The following PRKX variants were observed in gnomAD, a reference collection of about 807,000 sequenced individuals.
The protein encoded by PRKX is protein kinase cAMP-dependent X-linked catalytic subunit.
Under a neutral mutation model 22.0 loss-of-function variants are expected in PRKX, and 12 were observed. The ratio of observed to expected loss-of-function variants is 0.54; its 90% confidence interval spans 0.35 to 0.88. PRKX has a LOEUF of 0.88. PRKX is among the 40% of genes least tolerant of loss of function. The probability of loss-of-function intolerance (pLI) is 0.01; values close to 1 mark genes in which losing one functional copy is unlikely to be tolerated. For missense variants in PRKX, 217 were observed against 308.0 expected, an observed-to-expected ratio of 0.70 and a Z score of 2.21; for synonymous variants, 134 against 137.7, an observed-to-expected ratio of 0.97 and a Z score of 0.19.
chrX:3,683,697 G>A (rs1385734136), intron 1 of PRKX, among the ~76,000 whole-genome samples: 1 of 111,035 alleles, frequency 9.0e-6, no homozygotes, highest in East Asian at 2.8e-4. Context: ...AAATTACCCA[G>A]GTGTGGTGGT....
At chrX:3,645,883 A>G (rs1303515089) in intron 3 of PRKX, among the ~76,000 whole-genome samples, 3 of 112,579 alleles carry the variant, frequency 2.7e-5, no homozygotes, top group Non-Finnish European at 5.6e-5. Context: ...GCAGTGAGCC[A>G]TGATCGTACC....
chrX:3,639,524 GT>G (rs2146572561), intron 4 of PRKX, among the ~76,000 whole-genome samples: 1 of 55,548 alleles, frequency 1.8e-5, no homozygotes, highest in Non-Finnish European at 3.5e-5. Context: ...GAGTGGGTGG[GT>G]GGATGGATGA....
intron 4 of PRKX, among the ~76,000 whole-genome samples, chrX:3,639,508 A>C (rs1478280409): frequency 4.5e-5 from 1 of 22,072 alleles, no homozygotes; most frequent in Non-Finnish European, 8.0e-5. Context: ...ACATGGATGG[A>C]TGAAGGAGTG....
intron 3 of PRKX, among the ~76,000 whole-genome samples, chrX:3,650,157 A>G (rs752057197): frequency 1.8e-5 from 2 of 110,043 alleles, no homozygotes; most frequent in East Asian, 5.8e-4. Flanking sequence ...GAAACAAAAA[A>G]CAAAGAAAGA....
chrX:3,631,764 T>C (rs1926787252), intron 4 of PRKX, among the ~76,000 whole-genome samples: 1 of 111,193 alleles, frequency 9.0e-6, no homozygotes, highest in African/African-American at 3.3e-5. Context: ...ACTGCAGTGA[T>C]GTGGCCACAA....
chrX:3,700,866 T>C (rs1190445169), intron 1 of PRKX, among the ~76,000 whole-genome samples: 1 of 111,475 alleles, frequency 9.0e-6, no homozygotes, highest in Non-Finnish European at 1.9e-5. Flanking sequence ...TCCCAAAGTG[T>C]TGGGGGATTA....
intron 2 of PRKX, among the ~76,000 whole-genome samples, chrX:3,655,689 C>T (rs767747517): frequency 5.4e-5 from 6 of 111,700 alleles, no homozygotes; most frequent in South Asian, 3.7e-4. Context: ...GGGTGTACAT[C>T]GGGGCTGATA....
At chrX:3,702,668 T>C (rs1445224460) in intron 1 of PRKX, among the ~76,000 whole-genome samples, 4 of 101,539 alleles carry the variant, frequency 3.9e-5, no homozygotes, top group South Asian at 9.7e-4. Flanking sequence ...AGGGAAGACA[T>C]TGTATAGAAG....
intron 1 of PRKX, among the ~76,000 whole-genome samples, chrX:3,692,071 C>T (rs1401877959): frequency 1.2e-5 from 1 of 85,928 alleles, no homozygotes; most frequent in Non-Finnish European, 2.1e-5. Flanking sequence ...AGGTAGATAA[C>T]AGATGGGATG....
In PRKX at chrX:3,606,334, A is replaced by G. The variant is rs1208884688; in HGVS notation, c.*2635T>C. ...CACCGTGATTGTTTCGTGATCGTCCATGCGGACATTTTGGAATGCCCACCC... is the reference window on the plus strand; with the variant it reads ...CACCGTGATTGTTTCGTGATCGTCCGTGCGGACATTTTGGAATGCCCACCC... On this transcript the variant is annotated 3_prime_UTR_variant, in exon 9 of 9. Transcript: ENST00000262848. 8.9e-6 allele frequency: 1 copy of G among 112,519 alleles called. No homozygotes were observed. Among genetic ancestry groups the G allele is most frequent in the Admixed American group, 9.4e-5 (1 of 10,665 alleles). The allele number at this position is 112,519 out of a possible 1,213,427, so 9.3% of individuals were successfully genotyped here.
intron 2 of PRKX, among the ~76,000 whole-genome samples, chrX:3,670,444 C>A (rs1289778593): frequency 8.9e-6 from 1 of 112,218 alleles, no homozygotes; most frequent in African/African-American, 3.2e-5. Flanking sequence ...AATGCTATAG[C>A]AGGTTATCAT....
At chrX:3,651,169 A>G (rs1396573507) in intron 3 of PRKX, among the ~76,000 whole-genome samples, 1 of 111,414 alleles carries the variant, frequency 9.0e-6, no homozygotes, top group Non-Finnish European at 1.9e-5. Flanking sequence ...CTACCCATAC[A>G]GAGGAAGATG....
Position 3,656,452 on chromosome X carries a change from C to T in PRKX, c.336-1040G>A, listed in dbSNP as rs150562722. The stretch of plus-strand genomic sequence containing the variant: ...AGGATATGGGTATAGACGTGTAGAC[C>T]GGTGTTGCTCTGTGGGTGCAGACAG... On this transcript the variant is annotated intron_variant, in intron 2 of 8. Transcript: ENST00000262848. Among the ~76,000 whole-genome samples, 46 of 110,850 alleles carry T rather than the reference C, an allele frequency of 4.1e-4. No individual in the cohort carries two copies. The East Asian group carries it at 9.4e-3, about 23-fold the overall frequency.
At chrX:3,675,497 C>A (rs1927934370) in intron 1 of PRKX, among the ~76,000 whole-genome samples, 1 of 110,548 alleles carries the variant, frequency 9.0e-6, no homozygotes, top group South Asian at 3.9e-4. Context: ...ATCTTCTCCT[C>A]CTTCTCTTTC....
intron 8 of PRKX, among the ~76,000 whole-genome samples, chrX:3,611,639 ATAT>A (rs1179832467): frequency 1.2e-4 from 13 of 112,132 alleles, no homozygotes; most frequent in South Asian, 7.4e-4. Context: ...ATTCTAAAAA[ATAT>A]TATTATTATT....
chrX:3,611,333 G>A (rs945942136), intron 8 of PRKX: 6 of 111,932 alleles, frequency 5.4e-5, no homozygotes, highest in Non-Finnish European at 1.1e-4. Context: ...TAACTGGGAA[G>A]ACTACAGGAA....
At chrX:3,650,746 GT>G (rs1826580569) in intron 3 of PRKX, among the ~76,000 whole-genome samples, 1 of 106,865 alleles carries the variant, frequency 9.4e-6, no homozygotes, top group Non-Finnish European at 1.9e-5. Flanking sequence ...AGGTGTGGTG[GT>G]ACATGCCTGT....
intron 1 of PRKX, among the ~76,000 whole-genome samples, chrX:3,710,666 G>A (rs1470156229): frequency 1.8e-5 from 2 of 112,051 alleles, no homozygotes; most frequent in African/African-American, 3.2e-5. Context: ...GAGCCACCAC[G>A]CCCAGCCTGT....
intron 1 of PRKX, among the ~76,000 whole-genome samples, chrX:3,702,199 C>T (rs1487310634): frequency 3.6e-5 from 4 of 112,320 alleles, no homozygotes; most frequent in South Asian, 3.7e-4. Context: ...CCCAAATAAA[C>T]GCAGGCAGGC....
Sources: allele counts gnomAD v4.1 joint callset (sites outside exome capture counted in the v4.1 genomes callset), GRCh38; gene constraint gnomAD v4.1.1; transcripts MANE v1.5; gene names NCBI Gene and HGNC (gene_info 2026-07-23, HGNC 2026-07-21).